TACC2: variants seen among roughly 807,000 people sequenced by gnomAD.
The protein encoded by TACC2 is transforming acidic coiled-coil containing protein 2.
TACC2 carries 137 observed loss-of-function variants against 227.3 expected under a neutral mutation model. That is an observed-to-expected ratio of 0.60 (90% CI 0.52 to 0.69). TACC2 has a LOEUF of 0.69. Among genes scored for constraint, TACC2 ranks in the 30% least tolerant of loss-of-function variants. TACC2 has a pLI of 0.00. For missense variants in TACC2, 3,470 were observed against 3,694.4 expected (o/e 0.94, Z 1.57); for synonymous variants, 1,523 against 1,487.5 (o/e 1.02, Z -0.55).
intron 18 of TACC2, among the ~76,000 whole-genome samples, chr10:122,241,472 G>T (rs2095991338): frequency 6.6e-6 from 1 of 152,216 alleles, no homozygotes; most frequent in East Asian, 1.9e-4. Context: ...TGTATTTTTT[G>T]TAGGGATGGT....
intron 2 of TACC2, chr10:122,033,266 C>T: frequency 1.7e-6 from 1 of 580,528 alleles, no homozygotes; most frequent in Non-Finnish European, 2.8e-6. Context: ...GTTTTCTCCT[C>T]CTCCCTCTTC....
At chr10:122,038,085 CCT>C (rs1318653168) in intron 2 of TACC2, among the ~76,000 whole-genome samples, 1 of 152,122 alleles carries the variant, frequency 6.6e-6, no homozygotes, top group East Asian at 1.9e-4. Context: ...TGGCGAGACC[CCT>C]GTCTCTACTA....
At chr10:122,233,557 G>C (rs1225645448) in intron 16 of TACC2, among the ~76,000 whole-genome samples, 1 of 152,212 alleles carries the variant, frequency 6.6e-6, no homozygotes. Context: ...GGGGCCACCT[G>C]TGTTGTCGTT....
At chr10:122,076,100 T>C (rs762728974) in intron 3 of TACC2, among the ~76,000 whole-genome samples, 7 of 152,092 alleles carry the variant, frequency 4.6e-5, no homozygotes, top group African/African-American at 1.7e-4. Context: ...GCACCTAGCA[T>C]TGATTTCTTA....
At chr10:122,033,879 C>A (rs5013487) in intron 2 of TACC2, among the ~76,000 whole-genome samples, 30,214 of 151,986 alleles carry the variant, frequency 0.2, 3,039 homozygotes, top group East Asian at 0.25. Flanking sequence ...GGGCCAAGTG[C>A]GGGGGCTCAT....
chr10:122,107,526 T>G (rs1010118116), intron 5 of TACC2, among the ~76,000 whole-genome samples: 6 of 151,926 alleles, frequency 3.9e-5, no homozygotes, highest in African/African-American at 1.5e-4. Context: ...GAGGCGGAGG[T>G]TGCAGTGAGC....
chr10:122,049,518 G>A (rs150794370), intron 2 of TACC2, among the ~76,000 whole-genome samples: 18 of 152,226 alleles, frequency 1.2e-4, no homozygotes, highest in African/African-American at 4.3e-4. Context: ...AGGGATGGAG[G>A]GTATGGGTGG....
In TACC2 at chr10:122,085,058, A is replaced by C; in HGVS notation, c.2558A>C (p.Glu853Ala). Residue 853 changes from glutamate (E) to alanine (A), a missense_variant, in exon 4 of 23, where the codon GAA becomes GCA. Physicochemically the swap from Glu to Ala is moderately radical, Grantham distance 107. Transcript: ENST00000369005. ...CTCAAGGAGCAGGCCCAGCCACCTGAAAATGGGAAAGAGACTTCTCCAAGC... is the reference window on the plus strand; with the variant it reads ...CTCAAGGAGCAGGCCCAGCCACCTGCAAATGGGAAAGAGACTTCTCCAAGC... Reference protein sequence around the residue: ...DVLKEQAQPPENGKETSPSHP... With the variant: ...DVLKEQAQPPANGKETSPSHP... 6.2e-7 allele frequency: 1 copy of C among 1,614,200 alleles called. No individual in the cohort carries two copies. The highest frequency in any genetic ancestry group is 8.5e-7 in the Non-Finnish European group (1 of 1,180,030).
At chr10:122,203,178 A>G (rs1334975603) in intron 8 of TACC2, among the ~76,000 whole-genome samples, 1 of 151,804 alleles carries the variant, frequency 6.6e-6, no homozygotes, top group Non-Finnish European at 1.5e-5. Context: ...TGCTGGGTAC[A>G]CCTCCCAGAC....
Position 122,093,239 on chromosome 10 carries a change from A to T in TACC2, c.5573+4648A>T, listed in dbSNP as rs1427099135. 2.0e-5 allele frequency among the ~76,000 whole-genome samples: 3 copies of T among 152,238 alleles called. No homozygotes were observed. In the East Asian group the frequency reaches 5.8e-4, roughly 29 times the overall value. ...AATGGGGAAGGGCAATTGGATTGAA[A>T]AGTGGAGGGAGGGAGGACAGAGAGG... On this transcript the variant is annotated intron_variant, in intron 5 of 22. Transcript: ENST00000369005.
At chr10:122,052,877 C>T (rs528882481) in intron 3 of TACC2, among the ~76,000 whole-genome samples, 8 of 152,340 alleles carry the variant, frequency 5.3e-5, no homozygotes, top group African/African-American at 9.6e-5. Context: ...GTGAGTCCAT[C>T]GCTCCTGACG....
At chr10:122,068,580 C>A (rs903061841) in intron 3 of TACC2, among the ~76,000 whole-genome samples, 4 of 152,016 alleles carry the variant, frequency 2.6e-5, no homozygotes, top group African/African-American at 7.3e-5. Flanking sequence ...TCAGCAGATG[C>A]CTTATGAGTG....
In TACC2 at chr10:122,087,337, G is replaced by T. The variant is rs1412699462; in HGVS notation, c.4837G>T (p.Asp1613Tyr). The change falls in exon 4 of 23, where the codon GAT (aspartate) becomes TAT (tyrosine). Residue 1613 changes from aspartate (D) to tyrosine (Y), a missense_variant. Asp to Tyr is a radical substitution (Grantham distance 160). Coordinates refer to ENST00000369005, the MANE Select transcript of TACC2 (RefSeq NM_206862.4). ...TGCCTGCGACAGTCCACATGGAGAA[G>T]ATGGTCCCGGGGACTTTGCTCACAC... is the stretch of plus-strand genomic sequence containing the variant. ...TSACDSPHGE[D>Y]GPGDFAHTGV... 1.9e-6 allele frequency: 3 copies of T among 1,614,074 alleles called. No individual in the cohort carries two copies. The highest frequency in any genetic ancestry group is 2.5e-6 in the Non-Finnish European group (3 of 1,180,046).
At chr10:122,133,222 GT>G in intron 6 of TACC2, among the ~76,000 whole-genome samples, 1 of 152,190 alleles carries the variant, frequency 6.6e-6, no homozygotes, top group Admixed American at 6.5e-5. Context: ...GGGGCCTGGG[GT>G]CCCCGCCCCT....
At chr10:122,111,628 T>C (rs544242672) in intron 5 of TACC2, among the ~76,000 whole-genome samples, 65 of 151,898 alleles carry the variant, frequency 4.3e-4, no homozygotes, top group Admixed American at 6.6e-4. Context: ...GTAGCTGGGA[T>C]TACAGGCACA....
intron 2 of TACC2, among the ~76,000 whole-genome samples, chr10:122,038,474 G>A (rs2073848834): frequency 6.6e-6 from 1 of 152,154 alleles, no homozygotes; most frequent in Admixed American, 6.5e-5. Context: ...TGAGTAGGTG[G>A]GGGACCACTG....
At chr10:122,195,215 AGTTGTGAGCCCTGGGGG>A (rs1197318419) in intron 8 of TACC2, 39 bp downstream of exon 8, 1 of 1,554,680 alleles carries the variant, frequency 6.4e-7, no homozygotes, top group Admixed American at 1.8e-5. Context: ...AGCCCTGTAG[AGTTGTGAGCCCTGGGGG>A]AGATTTGCAG....
At chr10:122,217,007 C>CT in intron 11 of TACC2, 179 bp downstream of exon 11, 1 of 1,310,088 alleles carries the variant, frequency 7.6e-7, no homozygotes. Flanking sequence ...CAGCCTGAGA[C>CT]TTGAAAGCAG....
At chr10:122,239,279 G>A (rs981723234) in intron 18 of TACC2, among the ~76,000 whole-genome samples, 4 of 152,170 alleles carry the variant, frequency 2.6e-5, no homozygotes, top group African/African-American at 9.7e-5. Flanking sequence ...AAAGTTCTGG[G>A]ATTACAGGCA....
Sources: gnomAD v4.1 joint callset for allele counts (sites outside exome capture counted in the v4.1 genomes callset) on GRCh38, gnomAD v4.1.1 for gene constraint, MANE v1.5 for transcripts, NCBI Gene and HGNC (gene_info 2026-07-23, HGNC 2026-07-21) for gene names.